The following MYBPC1 variants were observed in gnomAD, a reference collection of about 807,000 sequenced individuals.
The protein encoded by MYBPC1 is myosin binding protein C1.
Under a neutral mutation model 147.1 loss-of-function variants are expected in MYBPC1, and 52 were observed. That is an observed-to-expected ratio of 0.35 (90% CI 0.28 to 0.45). The LOEUF (loss-of-function observed/expected upper bound fraction) is 0.45. MYBPC1 is among the 20% of genes least tolerant of loss of function. The probability of loss-of-function intolerance (pLI) is 1.00; values close to 1 mark genes in which losing one functional copy is unlikely to be tolerated. For synonymous variants in MYBPC1, 477 were observed against 475.9 expected, an observed-to-expected ratio of 1.00 and a Z score of -0.03; for missense variants, 1,228 against 1,440.3, an observed-to-expected ratio of 0.85 and a Z score of 2.39.
At chr12:101,648,009 A>G (rs1201384446) in intron 13 of MYBPC1, 36 bp from the exon 14 acceptor site, 1 of 1,522,550 alleles carries the variant, frequency 6.6e-7, no homozygotes, top group Non-Finnish European at 9.1e-7. Context: ...GGCTTTGGAT[A>G]TTTAATGATT....
chr12:101,663,515 G>A lies in MYBPC1; in HGVS notation c.2311G>A (p.Ala771Thr), dbSNP rs779679944. ...MRWRPPDHIG[A>T]AGLDGYVLEY... ...GTGGCGCCCCCCAGACCACATTGGT[G>A]CAGCAGGTTTAGATGGCTATGTGCT... The change falls in exon 22 of 32, where the codon GCA becomes ACA. Residue 771 changes from alanine (A) to threonine (T), a missense_variant. Around this residue, in one of 2 missense-constraint regions of MYBPC1, gnomAD observed 1,077 missense variants for 1,314.2 expected, o/e 0.82. Coordinates refer to ENST00000361466, the MANE Select transcript of MYBPC1 (RefSeq NM_002465.4). 18 of 1,614,114 alleles carry A rather than the reference G, an allele frequency of 1.1e-5. No homozygotes were observed. The highest frequency in any genetic ancestry group is 1.5e-5 in the Non-Finnish European group (18 of 1,180,006).
intron 21 of MYBPC1, 90 bp downstream of exon 21, chr12:101,662,636 G>A: frequency 7.0e-7 from 1 of 1,435,648 alleles, no homozygotes; most frequent in East Asian, 2.3e-5. Context: ...AACAGGCCTG[G>A]ACACTTCTTA....
intron 25 of MYBPC1, among the ~76,000 whole-genome samples, chr12:101,674,862 C>CAAAAA (rs62824364): frequency 2.7e-4 from 16 of 59,806 alleles, no homozygotes; most frequent in African/African-American, 1.2e-3. Context: ...ACTCTGTCTC[C>CAAAAA]AAAAAAAAAA....
intron 1 of MYBPC1, among the ~76,000 whole-genome samples, chr12:101,602,782 G>A (rs1353970526): frequency 1.3e-5 from 2 of 152,056 alleles, no homozygotes; most frequent in Non-Finnish European, 2.9e-5. Flanking sequence ...TTTACTTGTG[G>A]TGATACATCT....
At chr12:101,673,303 T>G in intron 24 of MYBPC1, 124 bp from the exon 25 acceptor site, 1 of 939,680 alleles carries the variant, frequency 1.1e-6, no homozygotes, top group Non-Finnish European at 1.7e-6. Flanking sequence ...ACCACCAGAC[T>G]AGAAGGGTGG....
At chr12:101,648,327 T>C (rs1893664904) in intron 14 of MYBPC1, among the ~76,000 whole-genome samples, 177 bp downstream of exon 14, 3 of 152,172 alleles carry the variant, frequency 2.0e-5, no homozygotes, top group Non-Finnish European at 4.4e-5. Context: ...TTTCCACTCA[T>C]GAGACTGAAA....
chr12:101,675,251 A>G (rs761012037), intron 25 of MYBPC1, 41 bp from the exon 26 acceptor site: 1 of 1,612,862 alleles, frequency 6.2e-7, no homozygotes, highest in South Asian at 1.1e-5. Context: ...AGACTGGGAA[A>G]GAAAGTGACC....
chr12:101,652,909 C>A, intron 17 of MYBPC1, 125 bp downstream of exon 17: 1 of 1,068,640 alleles, frequency 9.4e-7, no homozygotes, highest in Non-Finnish European at 1.4e-6. Flanking sequence ...TGGTATTAAT[C>A]ACCAATCAGA....
intron 29 of MYBPC1, among the ~76,000 whole-genome samples, chr12:101,682,024 A>G (rs1272791936): frequency 6.6e-6 from 1 of 152,186 alleles, no homozygotes; most frequent in Non-Finnish European, 1.5e-5. Flanking sequence ...TAATATTCTT[A>G]GAAAATTTCA....
rs1055143881 is a variant in MYBPC1, at chr12:101,634,826, A to T, written c.608+221A>T. Among the ~76,000 whole-genome samples, 3 of 152,356 alleles carry T rather than the reference A, an allele frequency of 2.0e-5. No individual in the cohort carries two copies. In the South Asian group the frequency reaches 6.2e-4, roughly 32 times the overall value. On this transcript the variant is annotated intron_variant, in intron 9 of 31. Coordinates refer to ENST00000361466, the MANE Select transcript of MYBPC1 (RefSeq NM_002465.4). ...TTTTAGAATGTTCTTGTTATAAAGA[A>T]GTTCCTGTTTTGGAGGTTTCACAGT... is the stretch of plus-strand genomic sequence containing the variant.
intron 21 of MYBPC1, among the ~76,000 whole-genome samples, chr12:101,662,941 G>A (rs1896820715): frequency 6.6e-6 from 1 of 152,000 alleles, no homozygotes; most frequent in Admixed American, 6.6e-5. Flanking sequence ...GGTTCAACAG[G>A]CTACACTTGG....
At chr12:101,642,076 A>C (rs1892167753) in intron 10 of MYBPC1, among the ~76,000 whole-genome samples, 1 of 152,222 alleles carries the variant, frequency 6.6e-6, no homozygotes, top group African/African-American at 2.4e-5. Context: ...AAAACTGTTA[A>C]GTTTCTCAAA....
chr12:101,640,440 A>G (rs1891806160), intron 10 of MYBPC1, among the ~76,000 whole-genome samples: 1 of 152,196 alleles, frequency 6.6e-6, no homozygotes, highest in Non-Finnish European at 1.5e-5. Context: ...CAATATTCCA[A>G]TTTCAGGACA....
At chr12:101,607,080 C>CA (rs1459791012) in intron 1 of MYBPC1, among the ~76,000 whole-genome samples, 4 of 152,158 alleles carry the variant, frequency 2.6e-5, no homozygotes, top group South Asian at 2.1e-4. Flanking sequence ...ATCTGCCCCC[C>CA]AAAGTGCTGA....
intron 22 of MYBPC1, among the ~76,000 whole-genome samples, chr12:101,664,182 C>T (rs760820171): frequency 1.3e-5 from 2 of 151,728 alleles, no homozygotes; most frequent in African/African-American, 2.4e-5. Context: ...AGAAACAAGG[C>T]CATAAATTTT....
At chr12:101,628,094 A>C in intron 5 of MYBPC1, 1 of 374,900 alleles carries the variant, frequency 2.7e-6, no homozygotes, top group Non-Finnish European at 5.1e-6. Flanking sequence ...GGATGTACTA[A>C]AGTTAGATAA....
chr12:101,595,122 T>C (rs746664025), intron 1 of MYBPC1, 27 bp downstream of exon 1: 2 of 1,591,556 alleles, frequency 1.3e-6, no homozygotes, highest in African/African-American at 1.3e-5. Flanking sequence ...AATCTTTTTG[T>C]TGTACTCCTG....
intron 27 of MYBPC1, 143 bp from the exon 28 acceptor site, chr12:101,677,959 G>A (rs1900371921): frequency 9.5e-7 from 1 of 1,052,632 alleles, no homozygotes; most frequent in Non-Finnish European, 1.4e-6. Context: ...CCCTCAGAAT[G>A]TTTGCCACAT....
intron 3 of MYBPC1, among the ~76,000 whole-genome samples, chr12:101,619,102 TG>T (rs1359551009): frequency 1.3e-5 from 2 of 152,106 alleles, no homozygotes; most frequent in African/African-American, 4.8e-5. Context: ...TACTGCTACT[TG>T]GATATCCCCA....
Sources: allele counts gnomAD v4.1 joint callset (sites outside exome capture counted in the v4.1 genomes callset), GRCh38; gene constraint gnomAD v4.1.1; regional missense constraint gnomAD v4.1.1; transcripts MANE v1.5; gene names NCBI Gene and HGNC (gene_info 2026-07-23, HGNC 2026-07-21).